ABCB11: variants seen among roughly 807,000 people sequenced by gnomAD.
The protein encoded by ABCB11 is bile salt export pump.
A neutral mutation model predicts 148.0 loss-of-function variants in ABCB11; 95 were observed. The ratio of observed to expected loss-of-function variants is 0.64; its 90% confidence interval spans 0.54 to 0.76. ABCB11 has a LOEUF of 0.76. ABCB11 is among the 30% of genes least tolerant of loss of function. The pLI is 0.00. For missense variants in ABCB11, 1,523 were observed against 1,617.8 expected (o/e 0.94, Z 1.01); for synonymous variants, 591 against 555.4 (o/e 1.06, Z -0.90).
At chr2:168,939,514 C>G (rs1238052371) in intron 21 of ABCB11, among the ~76,000 whole-genome samples, 1 of 151,960 alleles carries the variant, frequency 6.6e-6, no homozygotes, top group East Asian at 1.9e-4. Context: ...AAATGCTTTT[C>G]TAGTTTATCA....
At chr2:168,959,005 G>A (rs540366214) in intron 18 of ABCB11, among the ~76,000 whole-genome samples, 6 of 151,666 alleles carry the variant, frequency 4.0e-5, no homozygotes, top group South Asian at 2.1e-4. Flanking sequence ...ACAGCAAATC[G>A]ACTATAAAGC....
chr2:169,000,862 T>A (rs547765821), intron 5 of ABCB11, among the ~76,000 whole-genome samples: 2 of 152,280 alleles, frequency 1.3e-5, no homozygotes, highest in South Asian at 4.1e-4. Context: ...ATTTTCTTTC[T>A]TGTTTTCTAT....
intron 10 of ABCB11, among the ~76,000 whole-genome samples, chr2:168,982,736 T>C (rs1013778592): frequency 3.9e-5 from 6 of 151,974 alleles, no homozygotes; most frequent in Non-Finnish European, 7.4e-5. Context: ...TCAGCCTTCA[T>C]AGTTTGCTGC....
rs7563233 is a variant in ABCB11 at position 168,986,236 on chromosome 2, T to C, written c.957A>G (p.Gly319=). The change falls in exon 10 of 28, where the codon GGA becomes GGG. Residue 319 remains glycine, a synonymous_variant. Transcript: ENST00000650372. ...VFAQRWGIRK[G]IVMGFFTGFV... is the part of the protein sequence containing the mutation. ...ATCCAGTAAAGAATCCCATCACTAT[T>C]CCTTTTCTAATTCCCCAACGCTGGG... The C allele has an allele frequency of 0.035, 55,977 of 1,613,030 alleles. 4,449 individuals carry two copies. The highest frequency in any genetic ancestry group is 0.32 in the African/African-American group (24,211 of 74,836).
intron 21 of ABCB11, among the ~76,000 whole-genome samples, chr2:168,939,034 C>T (rs1211573626): frequency 9.2e-5 from 14 of 151,924 alleles, no homozygotes; most frequent in Non-Finnish European, 4.4e-5. Flanking sequence ...TAAAAAATAG[C>T]TGTGCAATAT....
intron 19 of ABCB11, among the ~76,000 whole-genome samples, chr2:168,950,548 T>A (rs1692518452): frequency 6.6e-6 from 1 of 151,778 alleles, no homozygotes; most frequent in African/African-American, 2.4e-5. Context: ...ATGTTGAGCA[T>A]TTTTTTAATG....
rs3083997 is a variant in ABCB11 at position 168,995,975 on chromosome 2, TAA to T, written c.478-495_478-494del. Among the ~76,000 whole-genome samples, 3 of 63,036 alleles carry T rather than the reference TAA, an allele frequency of 4.8e-5. No individual in the cohort carries two copies. The East Asian group carries it at 1.6e-3, about 33-fold the overall frequency. The allele number at this position is 63,036 out of a possible 152,430, so 41.4% of individuals were successfully genotyped here. Reference sequence around the variant, plus strand: ...AATCTGCTGATAGATTTTCCCTAACTAAAAAAAAAAAAAAAAAAAAAAAAGCC... The same window carrying T: ...AATCTGCTGATAGATTTTCCCTAACTAAAAAAAAAAAAAAAAAAAAAAGCC... On this transcript the variant is annotated intron_variant, in intron 6 of 27. Coordinates refer to ENST00000650372, the MANE Select transcript of ABCB11 (RefSeq NM_003742.4).
intron 25 of ABCB11, among the ~76,000 whole-genome samples, chr2:168,927,929 G>A (rs1010880542): frequency 1.3e-5 from 2 of 152,166 alleles, no homozygotes; most frequent in Non-Finnish European, 1.5e-5. Context: ...TGTCTGCTAC[G>A]TAAAGAAAAT....
intron 22 of ABCB11, among the ~76,000 whole-genome samples, chr2:168,935,987 T>C (rs1691802364): frequency 6.6e-6 from 1 of 152,260 alleles, no homozygotes. Flanking sequence ...CGAGAGGAAA[T>C]TGAACAGGCA....
At chr2:168,952,533 CTT>C (rs1692612622) in intron 19 of ABCB11, among the ~76,000 whole-genome samples, 1 of 151,270 alleles carries the variant, frequency 6.6e-6, no homozygotes, top group Admixed American at 6.6e-5. Context: ...CTGTGATAAT[CTT>C]TTGTATTTCT....
chr2:168,936,112 G>A, intron 22 of ABCB11, 118 bp downstream of exon 22: 2 of 992,562 alleles, frequency 2.0e-6, no homozygotes. Context: ...AGGTTCTTAA[G>A]TGTGCCTGTC....
chr2:168,918,484 T>C (rs116009409), downstream of ABCB11, among the ~76,000 whole-genome samples: 203 of 152,320 alleles, frequency 1.3e-3, 1 homozygote, highest in African/African-American at 4.7e-3. Context: ...GATGCATGCA[T>C]GTATGAGTGT....
At chr2:169,004,473 G>T (rs1175710488) in intron 5 of ABCB11, among the ~76,000 whole-genome samples, 3 of 152,130 alleles carry the variant, frequency 2.0e-5, no homozygotes, top group African/African-American at 7.2e-5. Flanking sequence ...AGACGTTCCA[G>T]TACATTATGC....
At chr2:168,956,187 G>C (rs566121587) in intron 19 of ABCB11, among the ~76,000 whole-genome samples, 8 of 151,286 alleles carry the variant, frequency 5.3e-5, no homozygotes, top group Admixed American at 5.3e-4. Flanking sequence ...TAAACAACCA[G>C]ATCTCGTGAG....
In ABCB11 at chr2:168,921,685, C is replaced by G. The variant is rs1691077839; in HGVS notation, c.*1937G>C. 6.6e-6 allele frequency among the ~76,000 whole-genome samples: 1 copy of G among 151,920 alleles called. No individual in the cohort carries two copies. Among genetic ancestry groups the G allele is most frequent in the Non-Finnish European group, 1.5e-5 (1 of 68,008 alleles). ...ATATGTTAAAATACTTCCTCAGTGT[C>G]TGGTGGTCCTTGGAAGTCAATTCCC... On this transcript the variant is annotated 3_prime_UTR_variant, in exon 28 of 28. Coordinates refer to ENST00000650372, the MANE Select transcript of ABCB11 (RefSeq NM_003742.4).
At chr2:169,001,996 G>A (rs1694888286) in intron 5 of ABCB11, among the ~76,000 whole-genome samples, 1 of 152,054 alleles carries the variant, frequency 6.6e-6, no homozygotes, top group Non-Finnish European at 1.5e-5. Flanking sequence ...AATAAAACAA[G>A]ATCCAACTAT....
At chr2:168,953,919 G>T (rs1426193602) in intron 19 of ABCB11, among the ~76,000 whole-genome samples, 1 of 151,530 alleles carries the variant, frequency 6.6e-6, no homozygotes, top group African/African-American at 2.4e-5. Flanking sequence ...GCTTTGGCTT[G>T]TCCTGCCTTT....
At chr2:169,005,264 G>T (rs1374830884) in intron 5 of ABCB11, among the ~76,000 whole-genome samples, 2 of 152,062 alleles carry the variant, frequency 1.3e-5, no homozygotes, top group East Asian at 3.9e-4. Flanking sequence ...GTTCCCAAGA[G>T]AATTGGGCCT....
At chr2:168,992,040 G>A (rs1694545088) in intron 8 of ABCB11, among the ~76,000 whole-genome samples, 2 of 146,604 alleles carry the variant, frequency 1.4e-5, no homozygotes, top group Admixed American at 1.4e-4. Context: ...TTGTAGAGAT[G>A]GGATCTCACT....
Sources: gnomAD v4.1 joint callset for allele counts (sites outside exome capture counted in the v4.1 genomes callset) on GRCh38, gnomAD v4.1.1 for gene constraint, MANE v1.5 for transcripts, NCBI Gene and HGNC (gene_info 2026-07-23, HGNC 2026-07-21) for gene names.